The following HAVCR2 variants were observed in gnomAD, a reference collection of about 807,000 sequenced individuals.
The protein encoded by HAVCR2 is hepatitis A virus cellular receptor 2, also known as T cell immunoglobulin mucin 3.
A neutral mutation model predicts 24.7 loss-of-function variants in HAVCR2; 13 were observed. The ratio of observed to expected loss-of-function variants is 0.53; its 90% CI spans 0.34 to 0.84. The LOEUF (loss-of-function observed/expected upper bound fraction) is 0.84, where lower values mean the gene tolerates loss of function less well. HAVCR2 is among the 40% of genes least tolerant of loss of function. The pLI is 0.01. For missense variants in HAVCR2, 343 were observed against 371.2 expected (o/e 0.92, Z 0.62); for synonymous variants, 154 against 143.4 (o/e 1.07, Z -0.53).
chr5:157,093,949 G>A (rs1757054133), intron 5 of HAVCR2, among the ~76,000 whole-genome samples: 1 of 151,870 alleles, frequency 6.6e-6, no homozygotes, highest in African/African-American at 2.4e-5. Flanking sequence ...AGTGTGCGAG[G>A]TTTTGGGGGT....
In HAVCR2 at chr5:157,095,409, G is replaced by C; in HGVS notation, c.573C>G (p.Asp191Glu). ...NELRDSRLAN[D>E]LRDSGATIRI... ...TGATGGTTGCTCCAGAGTCCCGTAAGTCATTGGCCAATCTAGAGTCCCGTA... is the reference window on the plus strand; with the variant it reads ...TGATGGTTGCTCCAGAGTCCCGTAACTCATTGGCCAATCTAGAGTCCCGTA... The change falls in exon 5 of 7, where the codon GAC (aspartate) becomes GAG (glutamate). Residue 191 changes from aspartate (D) to glutamate (E), a missense_variant. Coordinates refer to ENST00000307851, the MANE Select transcript of HAVCR2 (RefSeq NM_032782.5). The C allele has an allele frequency of 6.2e-7, 1 of 1,614,128 alleles. No individual in the cohort carries two copies.
intron 5 of HAVCR2, 96 bp from the exon 6 acceptor site, chr5:157,089,073 G>A: frequency 9.3e-7 from 1 of 1,071,424 alleles, no homozygotes; most frequent in Non-Finnish European, 1.4e-6. Flanking sequence ...ATAGTTTAGG[G>A]AAATCTGGTC....
intron 5 of HAVCR2, among the ~76,000 whole-genome samples, chr5:157,091,881 T>C (rs1757008780): frequency 6.6e-6 from 1 of 152,106 alleles, no homozygotes; most frequent in Non-Finnish European, 1.5e-5. Flanking sequence ...TGGAAGATTG[T>C]GGGGCATTAT....
intron 3 of HAVCR2, among the ~76,000 whole-genome samples, chr5:157,103,188 T>C (rs6878597): frequency 0.83 from 126,606 of 151,918 alleles, 52,888 homozygotes; most frequent in East Asian, 0.99. Context: ...ACGGTGAAAC[T>C]CTGTCTCTAC....
At chr5:157,097,702 C>T (rs553082034) in intron 4 of HAVCR2, among the ~76,000 whole-genome samples, 75 of 152,156 alleles carry the variant, frequency 4.9e-4, no homozygotes, top group African/African-American at 1.4e-3. Flanking sequence ...TGGATTCAAG[C>T]GATTCTCCTG....
rs3048394 is a variant in HAVCR2 at position 157,105,065 on chromosome 5, A to AT, written c.395-317dup. The AT allele has an allele frequency of 3.8e-3, 579 of 154,250 alleles. 3 individuals are homozygous for AT. Among genetic ancestry groups the AT allele is most frequent in the African/African-American group, 0.01 (413 of 40,090 alleles). 9.6% of individuals were successfully genotyped at this position (154,250 alleles called of 1,614,324 possible). On this transcript the variant is annotated intron_variant, in intron 2 of 6. Coordinates refer to ENST00000307851, the MANE Select transcript of HAVCR2 (RefSeq NM_032782.5). ...AGATCAGAAATGTTTTAGATTTTGA[A>AT]TTTTTTTTTTTTTTTTGAAACGGAG...
chr5:157,099,306 G>C (rs1219321577), intron 3 of HAVCR2, among the ~76,000 whole-genome samples: 1 of 152,084 alleles, frequency 6.6e-6, no homozygotes, highest in African/African-American at 2.4e-5. Flanking sequence ...ACCCAGGCTG[G>C]AGTGCAGTGG....
chr5:157,097,619 G>A (rs1757110457), intron 4 of HAVCR2, among the ~76,000 whole-genome samples: 1 of 151,588 alleles, frequency 6.6e-6, no homozygotes, highest in South Asian at 2.1e-4. Flanking sequence ...TTTCTTTTAT[G>A]AGGGAATTTC....
At chr5:157,097,831 G>T (rs1301825378) in intron 4 of HAVCR2, among the ~76,000 whole-genome samples, 1 of 151,126 alleles carries the variant, frequency 6.6e-6, no homozygotes, top group South Asian at 2.1e-4. Flanking sequence ...TCAAACCCCT[G>T]ACAGGTGATC....
At chr5:157,098,173 G>A (rs1361034257) in intron 4 of HAVCR2, among the ~76,000 whole-genome samples, 4 of 151,910 alleles carry the variant, frequency 2.6e-5, no homozygotes, top group Non-Finnish European at 5.9e-5. Flanking sequence ...TTGGGAGGCC[G>A]AGGCAGGTGG....
At chr5:157,107,214 G>T in intron 1 of HAVCR2, 1 of 460,716 alleles carries the variant, frequency 2.2e-6, no homozygotes, top group Non-Finnish European at 3.9e-6. Flanking sequence ...TAGAGCCTGA[G>T]AACTTTTATT....
At chr5:157,107,010 T>G in intron 1 of HAVCR2, 48 bp from the exon 2 acceptor site, 2 of 1,491,078 alleles carry the variant, frequency 1.3e-6, no homozygotes, top group Non-Finnish European at 1.8e-6. Flanking sequence ...TGAGTGAGGT[T>G]ACTCCATTTC....
At chr5:157,092,138 TTATATATATA>T (rs56964780) in intron 5 of HAVCR2, among the ~76,000 whole-genome samples, 146 of 146,332 alleles carry the variant, frequency 1.0e-3, no homozygotes, top group African/African-American at 3.2e-3. Context: ...TATGGTCATA[TTATATATATA>T]TATATATATA....
At chr5:157,095,081 A>G (rs1291719889) in intron 5 of HAVCR2, among the ~76,000 whole-genome samples, 1 of 152,228 alleles carries the variant, frequency 6.6e-6, no homozygotes, top group African/African-American at 2.4e-5. Flanking sequence ...CTCATAAGAC[A>G]GTAATGATGA....
Position 157,086,094 on chromosome 5 carries a change from G to A in HAVCR2, c.*1008C>T, listed in dbSNP as rs1354987068. The A allele has an allele frequency of 6.6e-6, 1 of 150,976 alleles. No homozygotes were observed. The highest frequency in any genetic ancestry group is 1.5e-5 in the Non-Finnish European group (1 of 68,030). 9.4% of individuals were successfully genotyped at this position (150,976 alleles called of 1,614,324 possible). The stretch of plus-strand genomic sequence containing the variant: ...AGCTTCAGTTTGGTCCACGAATACA[G>A]AAGTTGGTCAGAGATATTTTCTTTC... On this transcript the variant is annotated 3_prime_UTR_variant, in exon 7 of 7. Coordinates refer to ENST00000307851, the MANE Select transcript of HAVCR2 (RefSeq NM_032782.5).
intron 5 of HAVCR2, among the ~76,000 whole-genome samples, chr5:157,092,140 AT>A: frequency 5.1e-3 from 1 of 196 alleles, no homozygotes; most frequent in Non-Finnish European, 9.6e-3. Flanking sequence ...TGGTCATATT[AT>A]ATATATATAT....
At chr5:157,107,038 T>G (rs1480697810) in intron 1 of HAVCR2, 76 bp from the exon 2 acceptor site, 8 of 1,201,790 alleles carry the variant, frequency 6.7e-6, no homozygotes, top group Non-Finnish European at 9.4e-6. Flanking sequence ...CTGCAAGCCA[T>G]GTCTTACAGA....
At chr5:157,088,898 C>G (rs781388031) in intron 6 of HAVCR2, 43 bp downstream of exon 6, 3 of 1,557,152 alleles carry the variant, frequency 1.9e-6, no homozygotes, top group Non-Finnish European at 2.7e-6. Context: ...GTAGGGACTT[C>G]CAAGATTCTC....
rs1194322986 is a variant in HAVCR2 at position 157,087,214 on chromosome 5, T to G, written c.794A>C (p.Tyr265Ser). ...AEGIRSEENI[Y>S]TIEENVYEVE... ...TTCATATACGTTCTCTTCAATGGTATAGATGTTTTCTTCTGAGCGAATTCC... is the reference window on the plus strand; with the variant it reads ...TTCATATACGTTCTCTTCAATGGTAGAGATGTTTTCTTCTGAGCGAATTCC... Residue 265 changes from tyrosine (Y) to serine (S), a missense_variant, in exon 7 of 7, where the codon TAT becomes TCT. Transcript: ENST00000307851. 6.2e-7 allele frequency: 1 copy of G among 1,613,982 alleles called. No homozygotes were observed. Among genetic ancestry groups the G allele is most frequent in the Non-Finnish European group, 8.5e-7 (1 of 1,179,988 alleles).
Sources: allele counts gnomAD v4.1 joint callset (sites outside exome capture counted in the v4.1 genomes callset), GRCh38; gene constraint gnomAD v4.1.1; transcripts MANE v1.5; gene names NCBI Gene and HGNC (gene_info 2026-07-23, HGNC 2026-07-21).